USP7: variants seen among roughly 807,000 people sequenced by gnomAD.
The protein encoded by USP7 is ubiquitin C-terminal hydrolase 7.
In USP7, 9 loss-of-function variants were observed where a neutral mutation model predicts 162.9. That is an observed-to-expected ratio of 0.06 (90% confidence interval 0.03 to 0.10). USP7 has a LOEUF of 0.10. Ranked by LOEUF, USP7 falls within the 10% of genes least tolerant of loss-of-function variation. The pLI, the probability that USP7 is intolerant of heterozygous loss-of-function variation, is 1.00. For missense variants in USP7, 715 were observed against 1,373.7 expected, an observed-to-expected ratio of 0.52 and a Z score of 7.58; for synonymous variants, 562 against 475.9, an observed-to-expected ratio of 1.18 and a Z score of -2.35.
intron 12 of USP7, 43 bp from the exon 13 acceptor site, chr16:8,906,625 CAA>C: frequency 6.4e-7 from 1 of 1,569,166 alleles, no homozygotes; most frequent in African/African-American, 1.4e-5. Context: ...TTAATTTACA[CAA>C]AAAATATCAC....
intron 10 of USP7, 130 bp downstream of exon 10, chr16:8,915,124 C>A: frequency 2.4e-6 from 2 of 849,104 alleles, no homozygotes; most frequent in East Asian, 2.7e-5. Flanking sequence ...ACCCAGTGAG[C>A]TGTTTGCTTA....
In USP7 at chr16:8,897,096, T is replaced by C. The variant is rs140337763; in HGVS notation, c.2722A>G (p.Ile908Val). 1.2e-6 allele frequency: 2 copies of C among 1,610,294 alleles called. No individual in the cohort carries two copies. Among genetic ancestry groups the C allele is most frequent in the Non-Finnish European group, 1.7e-6 (2 of 1,176,746 alleles). The change falls in exon 26 of 31, where the codon ATA becomes GTA. Residue 908 changes from isoleucine (I) to valine (V), a missense_variant. Coordinates refer to ENST00000344836, the MANE Select transcript of USP7 (RefSeq NM_003470.3). ...CCATGCTTGTCTGGATATAGTGTTA[T>C]TTCCTAAGTAATGAAAAGATAAAAT... Reference protein sequence around the residue: ...WLNSQFREEEITLYPDKHGCV... With the variant: ...WLNSQFREEEVTLYPDKHGCV...
At chr16:8,911,191 G>C (rs1379377784) in intron 10 of USP7, among the ~76,000 whole-genome samples, 2 of 152,324 alleles carry the variant, frequency 1.3e-5, no homozygotes, top group South Asian at 2.1e-4. Flanking sequence ...AATGTGAATG[G>C]CTGGCTGATG....
chr16:8,959,401 G>A (rs1447212507), intron 1 of USP7, among the ~76,000 whole-genome samples: 1 of 149,938 alleles, frequency 6.7e-6, no homozygotes, highest in African/African-American at 2.5e-5. Context: ...TACTAGTATC[G>A]ATCATTTCAT....
In USP7 at chr16:8,902,346, G is replaced by A. The variant is rs377745777; in HGVS notation, c.1941+35C>T. ...TGCAGAGGACTAACGCCTTCTGCACGGTTCCAAACCAGATACGCTATTAAC... is the reference window on the plus strand; with the variant it reads ...TGCAGAGGACTAACGCCTTCTGCACAGTTCCAAACCAGATACGCTATTAAC... On this transcript the variant is annotated intron_variant, in intron 17 of 30. Transcript: ENST00000344836. 16 of 1,607,402 alleles carry A rather than the reference G, an allele frequency of 1.0e-5. No individual in the cohort carries two copies. In the African/African-American group the frequency reaches 1.3e-4, roughly 13 times the overall value.
intron 4 of USP7, 136 bp from the exon 5 acceptor site, chr16:8,920,583 A>C (rs543196362): frequency 2.0e-5 from 14 of 706,146 alleles, no homozygotes; most frequent in African/African-American, 2.0e-4. Context: ...CTTTTTTGCT[A>C]ATTTTAGACT....
Position 8,955,704 on chromosome 16 carries a change from C to CAAAAA in USP7, c.79+7498_79+7502dup, listed in dbSNP as rs58029349. The stretch of plus-strand genomic sequence containing the variant: ...CTGGCAACAGAGCACGATTCCATCT[C>CAAAAA]AAAAAAAAAAAAAAAAAAAAAACAT... On this transcript the variant is annotated intron_variant, in intron 1 of 30. Coordinates refer to ENST00000344836, the MANE Select transcript of USP7 (RefSeq NM_003470.3). Among the ~76,000 whole-genome samples the CAAAAA allele has an allele frequency of 1.3e-3, 132 of 100,932 alleles. 1 individual carries two copies. Among genetic ancestry groups the CAAAAA allele is most frequent in the Non-Finnish European group, 1.8e-3 (93 of 51,262 alleles). 66.2% of individuals were successfully genotyped at this position (100,932 alleles called of 152,430 possible). A position where few individuals can be genotyped will look rare whatever the true frequency, so the allele number is the denominator to read the frequency against.
intron 13 of USP7, 63 bp downstream of exon 13, chr16:8,906,363 T>G (rs1288759416): frequency 6.4e-7 from 1 of 1,572,256 alleles, no homozygotes; most frequent in Non-Finnish European, 8.6e-7. Context: ...CAGAACAGGC[T>G]GAAGCAGAGC....
chr16:8,894,900 C>T (rs765853664), intron 28 of USP7, 45 bp from the exon 29 acceptor site: 4 of 1,614,056 alleles, frequency 2.5e-6, no homozygotes, highest in South Asian at 2.2e-5. Flanking sequence ...CTCCCAGCAC[C>T]CCCAGGCCAC....
intron 1 of USP7, among the ~76,000 whole-genome samples, chr16:8,933,705 C>T (rs1898513178): frequency 6.6e-6 from 1 of 151,938 alleles, no homozygotes; most frequent in African/African-American, 2.4e-5. Context: ...CCCTCTCAGT[C>T]TCCCAAAATG....
At chr16:8,897,965 C>T (rs1005817227) in intron 25 of USP7, among the ~76,000 whole-genome samples, 2 of 151,632 alleles carry the variant, frequency 1.3e-5, no homozygotes, top group African/African-American at 4.9e-5. Flanking sequence ...GACACTGGAG[C>T]TGTCTACACT....
chr16:8,920,306 T>C (rs1897617307), intron 5 of USP7, 53 bp downstream of exon 5: 3 of 1,490,676 alleles, frequency 2.0e-6, no homozygotes, highest in Non-Finnish European at 2.8e-6. Context: ...AAAGCTTCTT[T>C]CACTGCAGCA....
chr16:8,958,515 G>A (rs1596419633), intron 1 of USP7, among the ~76,000 whole-genome samples: 3 of 152,212 alleles, frequency 2.0e-5, no homozygotes, highest in African/African-American at 4.8e-5. Flanking sequence ...GGACCAAGAG[G>A]GAGGCTACCA....
At chr16:8,919,404 C>T (rs115493166) in intron 5 of USP7, among the ~76,000 whole-genome samples, 1 of 152,270 alleles carries the variant, frequency 6.6e-6, no homozygotes, top group African/African-American at 2.4e-5. Context: ...CCAGCACCAA[C>T]AGACACTTAA....
intron 9 of USP7, 41 bp from the exon 10 acceptor site, chr16:8,915,385 T>A (rs1259692504): frequency 1.2e-6 from 2 of 1,612,666 alleles, no homozygotes; most frequent in African/African-American, 2.7e-5. Context: ...CTAGTAATAG[T>A]CAAAAAATTC....
chr16:8,963,126 C>A (rs1157113422), intron 1 of USP7, 81 bp downstream of exon 1: 2 of 1,252,134 alleles, frequency 1.6e-6, no homozygotes, highest in African/African-American at 3.2e-5. Flanking sequence ...GATGGCGAGC[C>A]CCTCGCGTGG....
chr16:8,914,022 G>A (rs1426056135), intron 10 of USP7, among the ~76,000 whole-genome samples: 1 of 151,968 alleles, frequency 6.6e-6, no homozygotes, highest in Non-Finnish European at 1.5e-5. Flanking sequence ...ACAGGCATGA[G>A]CGACCACACC....
intron 1 of USP7, among the ~76,000 whole-genome samples, chr16:8,948,465 A>G (rs958306492): frequency 6.6e-6 from 1 of 152,200 alleles, no homozygotes; most frequent in Non-Finnish European, 1.5e-5. Context: ...GATTACAGGT[A>G]TCAGCTGCCA....
intron 5 of USP7, among the ~76,000 whole-genome samples, chr16:8,919,633 T>G (rs1453354629): frequency 6.6e-5 from 10 of 152,068 alleles, no homozygotes; most frequent in Admixed American, 6.6e-4. Flanking sequence ...GGTGGTTGTT[T>G]GGGAGCAAGA....
Sources: allele counts gnomAD v4.1 joint callset (sites outside exome capture counted in the v4.1 genomes callset), GRCh38; gene constraint gnomAD v4.1.1; transcripts MANE v1.5; gene names NCBI Gene and HGNC (gene_info 2026-07-23, HGNC 2026-07-21).